The following ETV5 variants were observed in gnomAD, a reference collection of about 807,000 sequenced individuals.
ETV5 encodes the protein ETS translocation variant 5.
Under a neutral mutation model 70.0 loss-of-function variants are expected in ETV5, and 10 were observed. The observed-to-expected ratio is 0.14, with a 90% confidence interval of 0.09 to 0.24. The LOEUF (loss-of-function observed/expected upper bound fraction) is 0.24. Among genes scored for constraint, ETV5 ranks in the 10% least tolerant of loss-of-function variants. The pLI is 1.00. For missense variants in ETV5, 453 were observed against 651.2 expected (o/e 0.70, Z 3.31); for synonymous variants, 216 against 242.2 (o/e 0.89, Z 1.01).
At chr3:186,056,042 A>G (rs1467849242) in intron 11 of ETV5, among the ~76,000 whole-genome samples, 2 of 152,208 alleles carry the variant, frequency 1.3e-5, no homozygotes, top group African/African-American at 4.8e-5. Flanking sequence ...AACAGAAATT[A>G]AAAATCAACC....
chr3:186,104,721 A>G (rs1714545668), intron 5 of ETV5, among the ~76,000 whole-genome samples: 1 of 151,486 alleles, frequency 6.6e-6, no homozygotes, highest in African/African-American at 2.4e-5. Context: ...TATAATTTTG[A>G]GCTTAAAGCT....
chr3:186,078,296 T>C, intron 7 of ETV5: 1 of 708,828 alleles, frequency 1.4e-6, no homozygotes, highest in Non-Finnish European at 1.8e-6. Flanking sequence ...CAAATAGAAG[T>C]TTGCTAAGAG....
At chr3:186,073,321 G>A (rs1713690796) in intron 7 of ETV5, among the ~76,000 whole-genome samples, 1 of 152,178 alleles carries the variant, frequency 6.6e-6, no homozygotes, top group Non-Finnish European at 1.5e-5. Flanking sequence ...AAGTAAAATT[G>A]TCATAGAAGC....
rs753881352 is a variant in ETV5, at chr3:186,105,581, T to A, written c.133+44A>T. On this transcript the variant is annotated intron_variant, in intron 3 of 12. Transcript: ENST00000306376. The surrounding 1 kb of genome is among the most constrained non-coding windows in gnomAD (Gnocchi z 4.5). ...GGAAGAATCTACACGCTACTGTCACTGGGAGCAGGGAAGCCACAACATAAT... is the reference window on the plus strand; with the variant it reads ...GGAAGAATCTACACGCTACTGTCACAGGGAGCAGGGAAGCCACAACATAAT... 6.2e-7 allele frequency: 1 copy of A among 1,612,692 alleles called. No individual in the cohort carries two copies. Among genetic ancestry groups the A allele is most frequent in the South Asian group, 1.1e-5 (1 of 91,056 alleles).
At chr3:186,079,151 C>T (rs972064204) in intron 7 of ETV5, 45 of 980,178 alleles carry the variant, frequency 4.6e-5, no homozygotes, top group East Asian at 1.0e-4. Flanking sequence ...CACAAGCATC[C>T]GAGATTCTAG....
At chr3:186,076,157 T>G (rs1713781781) in intron 7 of ETV5, 2 of 227,552 alleles carry the variant, frequency 8.8e-6, no homozygotes, top group African/African-American at 4.4e-5. Flanking sequence ...TCTTTTCCCC[T>G]CTCCTTGTGG....
intron 5 of ETV5, among the ~76,000 whole-genome samples, chr3:186,092,049 C>G (rs984676911): frequency 6.6e-6 from 1 of 152,278 alleles, no homozygotes; most frequent in East Asian, 1.9e-4. Context: ...GAAATGCAAG[C>G]TGAGGAATTT....
Position 186,084,081 on chromosome 3 carries a change from TG to T in ETV5, c.233-2907del, listed in dbSNP as rs527791801. 446 of 279,648 alleles carry T rather than the reference TG, an allele frequency of 1.6e-3. 2 individuals carry two copies. Among genetic ancestry groups the T allele is most frequent in the Non-Finnish European group, 2.5e-3 (353 of 140,072 alleles). The allele number at this position is 279,648 out of a possible 1,614,324, so 17.3% of individuals were successfully genotyped here. ...TAAAATGAGGTATGTGATGCAGCCT[TG>T]AGAAATAAAGAAAAGGGCACAGCAC... On this transcript the variant is annotated intron_variant, in intron 5 of 12. Transcript: ENST00000306376.
chr3:186,096,274 G>A (rs1423934663), intron 5 of ETV5, among the ~76,000 whole-genome samples: 1 of 152,096 alleles, frequency 6.6e-6, no homozygotes, highest in African/African-American at 2.4e-5. Flanking sequence ...TTCAGATGAG[G>A]AAACTAGGGG....
At chr3:186,064,097 T>A (rs1713375882) in intron 9 of ETV5, 1 of 273,810 alleles carries the variant, frequency 3.7e-6, no homozygotes, top group East Asian at 6.4e-5. Context: ...TTGTTTTTTC[T>A]CCAAATTGTC....
At chr3:186,078,822 C>T (rs1185829730) in intron 7 of ETV5, among the ~76,000 whole-genome samples, 2 of 152,004 alleles carry the variant, frequency 1.3e-5, no homozygotes, top group Non-Finnish European at 2.9e-5. Context: ...ACTTTCAGAG[C>T]AAAACGGGAA....
At position 186,046,451 on chromosome 3, in the gene ETV5, C is replaced by G. The variant is rs1712877475; in HGVS notation, c.*2188G>C. The stretch of plus-strand genomic sequence containing the variant: ...GGTTCAAGCCTTTCTGCACTGTAGA[C>G]TTTCCACACTCTGGAAAAGAAGCAA... On this transcript the variant is annotated 3_prime_UTR_variant, in exon 13 of 13. Transcript: ENST00000306376. 1 of 230,882 alleles carries G rather than the reference C, an allele frequency of 4.3e-6. No homozygotes were observed. The highest frequency in any genetic ancestry group is 6.2e-5 in the East Asian group (1 of 16,234). The allele number at this position is 230,882 out of a possible 1,614,324, so 14.3% of individuals were successfully genotyped here.
At chr3:186,078,273 G>T in intron 7 of ETV5, 2 of 867,560 alleles carry the variant, frequency 2.3e-6, no homozygotes, top group Non-Finnish European at 2.9e-6. Context: ...TTCTTTTACA[G>T]TTCATGGTAT....
chr3:186,085,684 A>G (rs935290691), intron 5 of ETV5, among the ~76,000 whole-genome samples: 1 of 151,574 alleles, frequency 6.6e-6, no homozygotes, highest in Non-Finnish European at 1.5e-5. Flanking sequence ...AATTTTTTGT[A>G]TTTTTAGTAG....
rs866066700 is a variant in ETV5, at chr3:186,079,159, T to C, written c.650+658A>G. Reference sequence around the variant, plus strand: ...AGAAGGCCACAAGCATCCGAGATTCTAGAATACCACAGATAAAGAGGTCAG... The same window carrying C: ...AGAAGGCCACAAGCATCCGAGATTCCAGAATACCACAGATAAAGAGGTCAG... On this transcript the variant is annotated intron_variant, in intron 7 of 12. Transcript: ENST00000306376. 4.3e-6 allele frequency: 4 copies of C among 932,114 alleles called. No homozygotes were observed. The African/African-American group carries it at 5.2e-5, about 12-fold the overall frequency. The allele number at this position is 932,114 out of a possible 1,614,324, so 57.7% of individuals were successfully genotyped here.
At chr3:186,097,968 G>A (rs1409839620) in intron 5 of ETV5, among the ~76,000 whole-genome samples, 1 of 152,226 alleles carries the variant, frequency 6.6e-6, no homozygotes, top group Non-Finnish European at 1.5e-5. Flanking sequence ...GCAAGAGGGG[G>A]AATCTGCAGC....
intron 1 of ETV5, chr3:186,108,336 C>T: frequency 2.1e-6 from 1 of 482,750 alleles, no homozygotes; most frequent in Admixed American, 2.4e-5. Context: ...CGCCGCACAG[C>T]CGGACGCCCT....
chr3:186,067,328 A>G (rs773100654), intron 7 of ETV5, among the ~76,000 whole-genome samples: 4 of 152,246 alleles, frequency 2.6e-5, no homozygotes, highest in Non-Finnish European at 5.9e-5. Flanking sequence ...GCTACTCTGG[A>G]GGCTGAGGCA....
rs189331820 is a variant in ETV5, at chr3:186,071,822, G to A, written c.651-5750C>T. On this transcript the variant is annotated intron_variant, in intron 7 of 12. Coordinates refer to ENST00000306376, the MANE Select transcript of ETV5 (RefSeq NM_004454.3). Reference sequence around the variant, plus strand: ...CTGTAACCGTTTCACCGTTGACATGGAGTGTCGCTCTGTCGTCCAGGCTGG... The same window carrying A: ...CTGTAACCGTTTCACCGTTGACATGAAGTGTCGCTCTGTCGTCCAGGCTGG... Among the ~76,000 whole-genome samples, 537 of 151,190 alleles carry A rather than the reference G, an allele frequency of 3.6e-3. 10 individuals carry two copies. Among genetic ancestry groups the A allele is most frequent in the Non-Finnish European group, 6.7e-3 (454 of 67,678 alleles).
Sources: allele counts gnomAD v4.1 joint callset (sites outside exome capture counted in the v4.1 genomes callset), GRCh38; gene constraint gnomAD v4.1.1; non-coding constraint Gnocchi (gnomAD v3.1); transcripts MANE v1.5; gene names NCBI Gene and HGNC (gene_info 2026-07-23, HGNC 2026-07-21).